The following RPS6KA6 variants were observed in gnomAD, a reference collection of about 807,000 sequenced individuals.
RPS6KA6 encodes the protein ribosomal protein S6 kinase A6.
RPS6KA6 carries 27 observed loss-of-function variants against 65.4 expected under a neutral mutation model. The ratio of observed to expected loss-of-function variants is 0.41; its 90% confidence interval spans 0.30 to 0.57. The LOEUF is 0.57. RPS6KA6 is among the 20% of genes least tolerant of loss of function. The probability of loss-of-function intolerance (pLI) is 0.24; values close to 1 mark genes in which losing one functional copy is unlikely to be tolerated. For missense variants in RPS6KA6, 486 were observed against 555.6 expected (o/e 0.87, Z 1.26); for synonymous variants, 190 against 184.2 (o/e 1.03, Z -0.26).
intron 1 of RPS6KA6, among the ~76,000 whole-genome samples, chrX:84,178,612 T>C (rs1441810976): frequency 9.0e-6 from 1 of 111,641 alleles, no homozygotes; most frequent in Non-Finnish European, 1.9e-5. Context: ...TTCATTAAAA[T>C]TATTATGAAA....
At chrX:84,086,406 A>C (rs776358223) in intron 20 of RPS6KA6, among the ~76,000 whole-genome samples, 15 of 111,829 alleles carry the variant, frequency 1.3e-4, no homozygotes, top group African/African-American at 4.9e-4. Flanking sequence ...CCTTAATTTC[A>C]TTATTTATCC....
intron 18 of RPS6KA6, 92 bp from the exon 19 acceptor site, chrX:84,097,940 G>C: frequency 1.7e-6 from 1 of 593,877 alleles, no homozygotes; most frequent in Non-Finnish European, 2.6e-6. Context: ...TCTCACAAAA[G>C]TTCATAATAT....
intron 3 of RPS6KA6, among the ~76,000 whole-genome samples, chrX:84,149,613 A>C (rs996121712): frequency 3.6e-5 from 4 of 111,849 alleles, no homozygotes; most frequent in African/African-American, 1.3e-4. Context: ...AATGAGCAGT[A>C]ATATTTTGAG....
intron 6 of RPS6KA6, among the ~76,000 whole-genome samples, chrX:84,142,304 C>T (rs887751514): frequency 3.6e-5 from 4 of 110,655 alleles, no homozygotes; most frequent in Non-Finnish European, 7.6e-5. Context: ...TCATAAAGTA[C>T]ACTGAACTGA....
intron 20 of RPS6KA6, among the ~76,000 whole-genome samples, chrX:84,085,838 C>A (rs1044093812): frequency 9.0e-6 from 1 of 111,491 alleles, no homozygotes; most frequent in African/African-American, 3.3e-5. Context: ...GCTATTACTG[C>A]CTCAATTTCA....
chrX:84,079,584 T>G (rs1450506661), intron 20 of RPS6KA6, among the ~76,000 whole-genome samples: 1 of 111,443 alleles, frequency 9.0e-6, no homozygotes, highest in Non-Finnish European at 1.9e-5. Context: ...GGCTTGAAAT[T>G]CTCGCTGCCA....
At position 84,110,345 on chromosome X, in the gene RPS6KA6, T is replaced by C. The variant is rs777931693; in HGVS notation, c.1009-2620A>G. 1.0e-3 allele frequency among the ~76,000 whole-genome samples: 114 copies of C among 112,277 alleles called. 1 individual carries two copies. Among genetic ancestry groups the C allele is most frequent in the African/African-American group, 1.8e-3 (56 of 30,887 alleles). ...TCAGGGCTGGCTCCCCAGTTCATCA[T>C]TGGGGTATTTGTGTGCAAGCCAGAC... On this transcript the variant is annotated intron_variant, in intron 12 of 21. Coordinates refer to ENST00000262752, the MANE Select transcript of RPS6KA6 (RefSeq NM_014496.5).
intron 1 of RPS6KA6, among the ~76,000 whole-genome samples, chrX:84,169,304 G>A (rs1051603520): frequency 7.2e-5 from 8 of 111,115 alleles, no homozygotes; most frequent in African/African-American, 2.6e-4. Flanking sequence ...GGGACAAACA[G>A]AAATCCTAAA....
At chrX:84,147,097 C>T (rs1481913807) in intron 4 of RPS6KA6, 39 bp from the exon 5 acceptor site, 1 of 755,752 alleles carries the variant, frequency 1.3e-6, no homozygotes, top group South Asian at 2.8e-5. Flanking sequence ...TGCTCTCTTA[C>T]ATCATTTCAG....
In RPS6KA6 at chrX:84,107,614, A is replaced by C. The variant is rs775689270; in HGVS notation, c.1111+9T>G. 6 of 1,060,633 alleles carry C rather than the reference A, an allele frequency of 5.7e-6. No homozygotes were observed. The African/African-American group carries it at 1.1e-4, about 20-fold the overall frequency. The allele number at this position is 1,060,633 out of a possible 1,213,427, so 87.4% of individuals were successfully genotyped here. A position where few individuals can be genotyped will look rare whatever the true frequency, so the allele number is the denominator to read the frequency against. On this transcript the variant is annotated intron_variant, in intron 13 of 21. Transcript: ENST00000262752. Reference sequence around the variant, plus strand: ...AAAATCTCTGATTTTACAGATAAACATGCATTACCTTTAGGTGTTTTTGCA... The same window carrying C: ...AAAATCTCTGATTTTACAGATAAACCTGCATTACCTTTAGGTGTTTTTGCA...
chrX:84,111,277 A>C (rs1365195758), intron 12 of RPS6KA6, among the ~76,000 whole-genome samples: 2 of 111,496 alleles, frequency 1.8e-5, no homozygotes, highest in African/African-American at 3.3e-5. Context: ...TGAGGAACTA[A>C]TTCAGGAAAA....
At chrX:84,171,270 C>T (rs1469607338) in intron 1 of RPS6KA6, among the ~76,000 whole-genome samples, 3 of 111,214 alleles carry the variant, frequency 2.7e-5, no homozygotes, top group Non-Finnish European at 5.7e-5. Flanking sequence ...TTGAGCCAAG[C>T]CCAGATTCCT....
In RPS6KA6 at chrX:84,167,547, C is replaced by T. The variant is rs147648502; in HGVS notation, c.82-3160G>A. ...TCAACGGGTTGGGGGTAGAGGAAGA[C>T]GAGTATCACTCAGCAATAAAAAAGA... On this transcript the variant is annotated intron_variant, in intron 1 of 21. Transcript: ENST00000262752. Among the ~76,000 whole-genome samples the T allele has an allele frequency of 9.7e-3, 1,077 of 110,961 alleles. 17 individuals are homozygous for T. Among genetic ancestry groups the T allele is most frequent in the African/African-American group, 0.034 (1,034 of 30,495 alleles).
chrX:84,107,128 C>T, intron 13 of RPS6KA6, 88 bp from the exon 14 acceptor site: 7 of 688,405 alleles, frequency 1.0e-5, no homozygotes, highest in Middle Eastern at 8.4e-4. Flanking sequence ...ATAAAGGAAA[C>T]CATTAAATGC....
chrX:84,156,146 C>G lies in RPS6KA6; in HGVS notation c.187G>C (p.Glu63Gln), dbSNP rs2035413307. 1.7e-6 allele frequency: 2 copies of G among 1,191,223 alleles called. No homozygotes were observed. The highest frequency in any genetic ancestry group is 2.3e-6 in the Non-Finnish European group (2 of 878,920). Reference sequence around the variant, plus strand: ...GCAGGATCTGCTTTCTCATAGCCTTCCTTAACATGATGAGTAATAGGGATT... The same window carrying G: ...GCAGGATCTGCTTTCTCATAGCCTTGCTTAACATGATGAGTAATAGGGATT... ...KEIPITHHVKEGYEKADPAQF... is the reference protein window; with the variant it reads ...KEIPITHHVKQGYEKADPAQF... The change falls in exon 3 of 22, where the codon GAA becomes CAA. Residue 63 changes from glutamate to glutamine, a missense_variant. Transcript: ENST00000262752.
intron 3 of RPS6KA6, among the ~76,000 whole-genome samples, chrX:84,154,997 C>T (rs1479873339): frequency 2.7e-5 from 3 of 110,591 alleles, no homozygotes; most frequent in Admixed American, 1.9e-4. Flanking sequence ...GCTAGGAGTT[C>T]GAGACCAGCC....
intron 1 of RPS6KA6, among the ~76,000 whole-genome samples, chrX:84,174,521 T>A (rs994307243): frequency 3.6e-5 from 4 of 111,964 alleles, no homozygotes; most frequent in Non-Finnish European, 1.9e-5. Flanking sequence ...AATGCAATCA[T>A]GAGGCTCTGT....
chrX:84,064,101 T>C lies in RPS6KA6; in HGVS notation c.*176A>G. ...TGAACACTACTGCAAACACATAGTATGAATATTGTGGACCTGTGAATGGTT... is the reference window on the plus strand; with the variant it reads ...TGAACACTACTGCAAACACATAGTACGAATATTGTGGACCTGTGAATGGTT... On this transcript the variant is annotated 3_prime_UTR_variant, in exon 22 of 22. Transcript: ENST00000262752. 1 of 488,723 alleles carries C rather than the reference T, an allele frequency of 2.0e-6. No individual in the cohort carries two copies. The highest frequency in any genetic ancestry group is 3.3e-6 in the Non-Finnish European group (1 of 306,301). The allele number at this position is 488,723 out of a possible 1,213,427, so 40.3% of individuals were successfully genotyped here. A position where few individuals can be genotyped will look rare whatever the true frequency, so the allele number is the denominator to read the frequency against.
At chrX:84,124,567 AAAT>A (rs1356215960) in intron 8 of RPS6KA6, among the ~76,000 whole-genome samples, 17 of 110,932 alleles carry the variant, frequency 1.5e-4, no homozygotes, top group Admixed American at 6.8e-4. Flanking sequence ...CAAGGAGTGA[AAAT>A]AATTTGTGAG....
Sources: allele counts gnomAD v4.1 joint callset (sites outside exome capture counted in the v4.1 genomes callset), GRCh38; gene constraint gnomAD v4.1.1; transcripts MANE v1.5; gene names NCBI Gene and HGNC (gene_info 2026-07-23, HGNC 2026-07-21).